Variants in SLC35F3 observed in about 807,000 individuals in gnomAD.
SLC35F3 encodes solute carrier family 35 member F3.
A neutral mutation model predicts 49.9 loss-of-function variants in SLC35F3; 25 were observed. That is an observed-to-expected ratio of 0.50 (90% CI 0.37 to 0.70). SLC35F3 has a LOEUF of 0.70. Ranked by LOEUF, SLC35F3 falls within the 30% of genes least tolerant of loss-of-function variation. The pLI is 0.00. For missense variants in SLC35F3, 525 were observed against 639.8 expected, an observed-to-expected ratio of 0.82 and a Z score of 1.94; for synonymous variants, 275 against 265.4, an observed-to-expected ratio of 1.04 and a Z score of -0.35.
intron 2 of SLC35F3, among the ~76,000 whole-genome samples, chr1:233,974,058 G>T (rs1663035873): frequency 6.6e-6 from 1 of 151,196 alleles, no homozygotes; most frequent in Non-Finnish European, 1.5e-5. Flanking sequence ...TTATTGAATA[G>T]AAACTTTATC....
At chr1:234,015,874 T>G (rs1663795609) in intron 2 of SLC35F3, among the ~76,000 whole-genome samples, 1 of 152,138 alleles carries the variant, frequency 6.6e-6, no homozygotes. Context: ...GTCTACAGAT[T>G]GGGAGAAAAT....
chr1:234,141,230 A>G (rs1665909496), intron 2 of SLC35F3, among the ~76,000 whole-genome samples: 1 of 152,174 alleles, frequency 6.6e-6, no homozygotes. Context: ...TGGGATAATT[A>G]GGGAGTTTTA....
At chr1:234,079,894 C>G (rs1462518906) in intron 2 of SLC35F3, among the ~76,000 whole-genome samples, 1 of 152,134 alleles carries the variant, frequency 6.6e-6, no homozygotes, top group African/African-American at 2.4e-5. Flanking sequence ...ATATATTTGG[C>G]TTTTGTCTCT....
chr1:234,231,718 G>T lies in SLC35F3; in HGVS notation c.585G>T (p.Lys195Asn). ...YVGHVCKSTE[K>N]QSVKQRYREC... ...GGCACGTCTGCAAGTCCACAGAGAA[G>T]CAGTCTGTGAAGCAGCGATACAGGT... Residue 195 changes from lysine to asparagine, a missense_variant, in exon 3 of 8, where the codon AAG (lysine) becomes AAT (asparagine). Transcript: ENST00000366618. This position sits in a 1 kb window ranked among gnomAD's most constrained non-coding sequence, Gnocchi z 5.4. 1 of 1,612,492 alleles carries T rather than the reference G, an allele frequency of 6.2e-7. No individual in the cohort carries two copies. Among genetic ancestry groups the T allele is most frequent in the Non-Finnish European group, 8.5e-7 (1 of 1,178,886 alleles).
Position 234,231,484 on chromosome 1 carries a change from C to G in SLC35F3, c.351C>G (p.Gly117=). 1.2e-6 allele frequency: 2 copies of G among 1,612,094 alleles called. No homozygotes were observed. Among genetic ancestry groups the G allele is most frequent in the East Asian group, 4.5e-5 (2 of 44,824 alleles). ...AGGCACCGGCCGGGGTGGAGGCCGG[C>G]GGGAGAGCGAGTCGCCGCTGCTGGA... The part of the protein sequence containing the change: ...EAQAPAGVEA[G]GRASRRCWTC... The change falls in exon 3 of 8, where the codon GGC becomes GGG. Residue 117 remains glycine, a synonymous_variant. Transcript: ENST00000366618. This position sits in a 1 kb window ranked among gnomAD's most constrained non-coding sequence, Gnocchi z 5.4.
At chr1:234,136,260 G>GTCTTTCTTTCTCT (rs11268850) in intron 2 of SLC35F3, among the ~76,000 whole-genome samples, 30,439 of 146,038 alleles carry the variant, frequency 0.21, 4,322 homozygotes, top group East Asian at 0.74. Context: ...TTCTTTTTCT[G>GTCTTTCTTTCTCT]TCTTTCTTTC....
intron 2 of SLC35F3, among the ~76,000 whole-genome samples, chr1:233,916,973 C>A (rs76785493): frequency 9.8e-6 from 1 of 101,524 alleles, no homozygotes; most frequent in Non-Finnish European, 2.3e-5. Flanking sequence ...TGATTCATTC[C>A]TTCTTCATTC....
At chr1:234,288,628 A>G (rs1403572240) in intron 3 of SLC35F3, among the ~76,000 whole-genome samples, 1 of 152,240 alleles carries the variant, frequency 6.6e-6, no homozygotes, top group East Asian at 1.9e-4. Flanking sequence ...AGTTTCTCTC[A>G]TGCCAGCCTC....
intron 2 of SLC35F3, among the ~76,000 whole-genome samples, chr1:234,125,615 G>T (rs983108177): frequency 7.9e-5 from 12 of 152,128 alleles, no homozygotes; most frequent in Non-Finnish European, 1.0e-4. Context: ...ACCGGTCCGG[G>T]CTTGTGCTGA....
chr1:234,202,807 T>G (rs1034856688), intron 2 of SLC35F3, among the ~76,000 whole-genome samples: 3 of 152,192 alleles, frequency 2.0e-5, no homozygotes, highest in Non-Finnish European at 4.4e-5. Context: ...AAACCTTATG[T>G]CAGCTGAAAT....
chr1:234,173,747 C>T (rs1453268985), intron 2 of SLC35F3, among the ~76,000 whole-genome samples: 2 of 152,204 alleles, frequency 1.3e-5, no homozygotes, highest in Non-Finnish European at 1.5e-5. Flanking sequence ...CTGACCATAG[C>T]CCCTGCCTCC....
At chr1:234,054,665 C>T (rs1398940072) in intron 2 of SLC35F3, among the ~76,000 whole-genome samples, 3 of 152,140 alleles carry the variant, frequency 2.0e-5, no homozygotes, top group East Asian at 3.9e-4. Flanking sequence ...ATTCTCTGTC[C>T]GGCTTTGTTC....
At chr1:234,140,484 G>C (rs1417605369) in intron 2 of SLC35F3, among the ~76,000 whole-genome samples, 1 of 152,142 alleles carries the variant, frequency 6.6e-6, no homozygotes, top group East Asian at 1.9e-4. Context: ...AAACATAGTA[G>C]TTGCAGGATT....
intron 2 of SLC35F3, among the ~76,000 whole-genome samples, chr1:234,093,082 A>G (rs1665067057): frequency 1.3e-5 from 2 of 152,162 alleles, no homozygotes; most frequent in South Asian, 2.1e-4. Context: ...CACTCATTTA[A>G]CATCTTTGGG....
chr1:234,158,273 TA>T (rs1167819603), intron 2 of SLC35F3, among the ~76,000 whole-genome samples: 21 of 152,346 alleles, frequency 1.4e-4, no homozygotes, highest in African/African-American at 5.0e-4. Flanking sequence ...AAAATAGTTT[TA>T]ATTGCTTTCC....
chr1:233,950,079 T>C (rs969938192), intron 2 of SLC35F3, among the ~76,000 whole-genome samples: 2 of 152,076 alleles, frequency 1.3e-5, no homozygotes, highest in African/African-American at 4.8e-5. Context: ...AGCCTTCTAT[T>C]TCCATTGTAT....
chr1:234,314,906 A>G (rs609469), intron 4 of SLC35F3, among the ~76,000 whole-genome samples: 85,393 of 152,112 alleles, frequency 0.56, 26,546 homozygotes, highest in African/African-American at 0.84. Flanking sequence ...CGTGTTCCTG[A>G]CAGCCCCCTT....
chr1:233,906,858 G>T (rs778888757), intron 2 of SLC35F3, among the ~76,000 whole-genome samples: 3 of 152,108 alleles, frequency 2.0e-5, no homozygotes, highest in Non-Finnish European at 4.4e-5. Context: ...AAAATTATTT[G>T]CAGGAAGAAA....
intron 2 of SLC35F3, among the ~76,000 whole-genome samples, chr1:233,910,469 C>A (rs1010488777): frequency 6.6e-6 from 1 of 152,032 alleles, no homozygotes; most frequent in Non-Finnish European, 1.5e-5. Context: ...TTTAAAAAAC[C>A]TTTTTTCAGC....
Sources: gnomAD v4.1 joint callset for allele counts (sites outside exome capture counted in the v4.1 genomes callset) on GRCh38, gnomAD v4.1.1 for gene constraint, Gnocchi (gnomAD v3.1) non-coding constraint, MANE v1.5 for transcripts, NCBI Gene and HGNC (gene_info 2026-07-23, HGNC 2026-07-21) for gene names.